Variants in ZNF609 observed in about 807,000 individuals in gnomAD.
ZNF609 encodes the protein zinc finger protein 609.
In ZNF609, 11 loss-of-function variants were observed where a neutral mutation model predicts 109.5. The ratio of observed to expected loss-of-function variants is 0.10; its 90% CI spans 0.06 to 0.17. The LOEUF is 0.17. ZNF609 is among the 10% of genes least tolerant of loss of function. ZNF609 has a pLI of 1.00. For missense variants in ZNF609, 1,559 were observed against 1,772.4 expected, an observed-to-expected ratio of 0.88 and a Z score of 2.16; for synonymous variants, 646 against 662.0, an observed-to-expected ratio of 0.98 and a Z score of 0.37.
At chr15:64,655,241 C>T (rs1044918324) in intron 3 of ZNF609, among the ~76,000 whole-genome samples, 2 of 149,828 alleles carry the variant, frequency 1.3e-5, no homozygotes, top group East Asian at 4.0e-4. Context: ...GTCGGGAGTT[C>T]GAGACCAGCC....
chr15:64,546,813 C>G (rs1465708436), intron 2 of ZNF609, among the ~76,000 whole-genome samples: 2 of 110,988 alleles, frequency 1.8e-5, no homozygotes, highest in Non-Finnish European at 3.5e-5. Flanking sequence ...TTTTTTGAGA[C>G]AGAGTCTCGC....
At chr15:64,619,133 A>G (rs1895843480) in intron 2 of ZNF609, among the ~76,000 whole-genome samples, 1 of 152,130 alleles carries the variant, frequency 6.6e-6, no homozygotes, top group African/African-American at 2.4e-5. Context: ...GTGTGTGCCA[A>G]CACACCCAGC....
At chr15:64,664,322 A>G (rs2141006862) in intron 3 of ZNF609, among the ~76,000 whole-genome samples, 1 of 152,310 alleles carries the variant, frequency 6.6e-6, no homozygotes, top group Non-Finnish European at 1.5e-5. Context: ...ATCACCTTGA[A>G]GAAGGGAGAA....
chr15:64,633,175 T>C (rs1555423990), intron 3 of ZNF609, among the ~76,000 whole-genome samples: 1 of 151,496 alleles, frequency 6.6e-6, no homozygotes, highest in Non-Finnish European at 1.5e-5. Context: ...TGACACAGGG[T>C]CTCACTCTGT....
At chr15:64,623,203 G>A in intron 3 of ZNF609, 151 bp downstream of exon 3, 1 of 767,626 alleles carries the variant, frequency 1.3e-6, no homozygotes, top group Non-Finnish European at 2.1e-6. Flanking sequence ...GATTTTAGCA[G>A]ACTTAGCAAA....
chr15:64,488,771 A>T (rs1383833177), intron 1 of ZNF609, among the ~76,000 whole-genome samples: 1 of 152,094 alleles, frequency 6.6e-6, no homozygotes, highest in Non-Finnish European at 1.5e-5. Context: ...TTTCCCTGAG[A>T]CTATGAATTT....
At chr15:64,505,636 C>G (rs920304151) in intron 2 of ZNF609, among the ~76,000 whole-genome samples, 9 of 152,120 alleles carry the variant, frequency 5.9e-5, no homozygotes, top group Admixed American at 2.0e-4. Flanking sequence ...ACCAGAGTAT[C>G]AAAAATGCAC....
At chr15:64,678,048 G>A in intron 5 of ZNF609, 68 bp from the exon 6 acceptor site, 1 of 1,547,720 alleles carries the variant, frequency 6.5e-7, no homozygotes, top group Admixed American at 1.8e-5. Context: ...GTTCTACTGG[G>A]ACCTTGGGCT....
At chr15:64,594,924 G>C (rs2140941953) in intron 2 of ZNF609, among the ~76,000 whole-genome samples, 1 of 150,214 alleles carries the variant, frequency 6.7e-6, no homozygotes, top group African/African-American at 2.4e-5. Context: ...TACTCGGGAG[G>C]CTGAGGCAGG....
rs530159216 is a variant in ZNF609, at chr15:64,613,783, C to G, written c.748-9044C>G. On this transcript the variant is annotated intron_variant, in intron 2 of 9. Coordinates refer to ENST00000326648, the MANE Select transcript of ZNF609 (RefSeq NM_015042.2). ...GCCAGGCTGGTCTAACTCCTGACCT[C>G]GTGATCCTCCCACCTTGGCCTCCCA... Among the ~76,000 whole-genome samples the G allele has an allele frequency of 3.3e-5, 5 of 152,120 alleles. No homozygotes were observed. In the East Asian group the frequency reaches 7.7e-4, roughly 24 times the overall value.
chr15:64,588,058 C>T lies in ZNF609; in HGVS notation c.748-34769C>T, dbSNP rs117404352. Among the ~76,000 whole-genome samples the T allele has an allele frequency of 2.1e-4, 32 of 151,808 alleles. No individual in the cohort carries two copies. In the East Asian group the frequency reaches 5.3e-3, roughly 25 times the overall value. On this transcript the variant is annotated intron_variant, in intron 2 of 9. Coordinates refer to ENST00000326648, the MANE Select transcript of ZNF609 (RefSeq NM_015042.2). ...CAGCCAGTAGGAGGATCTCTTAAGC[C>T]CGGGAAGTTGAGACTGCAGTGAGCT...
intron 3 of ZNF609, among the ~76,000 whole-genome samples, chr15:64,641,286 C>T (rs1054799939): frequency 5.0e-5 from 6 of 119,576 alleles, no homozygotes; most frequent in Non-Finnish European, 6.4e-5. Context: ...GGCATGATCT[C>T]GGCTCACCAC....
intron 2 of ZNF609, among the ~76,000 whole-genome samples, chr15:64,564,766 A>G (rs1389175530): frequency 6.6e-6 from 1 of 150,794 alleles, no homozygotes; most frequent in Non-Finnish European, 1.5e-5. Context: ...AAATTTAACC[A>G]CCTCCCTTCA....
At chr15:64,679,632 TCA>T (rs2141019489) in intron 6 of ZNF609, among the ~76,000 whole-genome samples, 1 of 152,340 alleles carries the variant, frequency 6.6e-6, no homozygotes, top group African/African-American at 2.4e-5. Context: ...TCCCTGTCAC[TCA>T]CACCCATCAA....
chr15:64,607,877 TTCTTCTTTCTTTTCTTTC>T (rs1567027779), intron 2 of ZNF609, among the ~76,000 whole-genome samples: 20 of 28,018 alleles, frequency 7.1e-4, no homozygotes, highest in African/African-American at 1.5e-3. Context: ...CTTTCTTTCT[TTCTTCTTTCTTTTCTTTC>T]TTTTTTTTTT....
intron 2 of ZNF609, among the ~76,000 whole-genome samples, chr15:64,524,697 T>C (rs1893945703): frequency 6.6e-6 from 1 of 152,228 alleles, no homozygotes; most frequent in Non-Finnish European, 1.5e-5. Context: ...ACCACATTTG[T>C]TTATCCATTT....
chr15:64,668,826 G>A (rs2141010221), intron 3 of ZNF609, among the ~76,000 whole-genome samples: 1 of 151,874 alleles, frequency 6.6e-6, no homozygotes, highest in East Asian at 1.9e-4. Context: ...GGTGGTGCAT[G>A]CCTATAATCC....
intron 1 of ZNF609, among the ~76,000 whole-genome samples, chr15:64,482,780 T>C (rs1373466491): frequency 6.6e-6 from 1 of 152,218 alleles, no homozygotes; most frequent in East Asian, 1.9e-4. Flanking sequence ...ATTGTTTAGT[T>C]TGAAAAGACT....
Position 64,620,667 on chromosome 15 carries a change from A to G in ZNF609, c.748-2160A>G, listed in dbSNP as rs555125961. 3.3e-5 allele frequency among the ~76,000 whole-genome samples: 5 copies of G among 152,308 alleles called. No homozygotes were observed. The East Asian group carries it at 9.7e-4, about 29-fold the overall frequency. ...GTACAAGGGGTGTGTGTGTGAGACAAGCAGACAAGGATGTTTTGGCAGCTC... is the reference window on the plus strand; with the variant it reads ...GTACAAGGGGTGTGTGTGTGAGACAGGCAGACAAGGATGTTTTGGCAGCTC... On this transcript the variant is annotated intron_variant, in intron 2 of 9. Transcript: ENST00000326648.
Sources: allele counts gnomAD v4.1 joint callset (sites outside exome capture counted in the v4.1 genomes callset), GRCh38; gene constraint gnomAD v4.1.1; transcripts MANE v1.5; gene names NCBI Gene and HGNC (gene_info 2026-07-23, HGNC 2026-07-21).